MGMT: variants seen among roughly 807,000 people sequenced by gnomAD.
The protein encoded by MGMT is O-6-methylguanine-DNA methyltransferase.
Under a neutral mutation model 15.9 loss-of-function variants are expected in MGMT, and 14 were observed. The ratio of observed to expected loss-of-function variants is 0.88; its 90% CI spans 0.58 to 1.37. The LOEUF (loss-of-function observed/expected upper bound fraction) is 1.37, where lower values mean the gene tolerates loss of function less well. Among genes scored for constraint, MGMT ranks in the 40% most tolerant of loss-of-function variants. The pLI, the probability that MGMT is intolerant of heterozygous loss-of-function variation, is 0.00. For synonymous variants in MGMT, 130 were observed against 118.2 expected, an observed-to-expected ratio of 1.10 and a Z score of -0.65; for missense variants, 282 against 268.1, an observed-to-expected ratio of 1.05 and a Z score of -0.36.
chr10:129,685,446 C>T (rs930054571), intron 2 of MGMT, among the ~76,000 whole-genome samples: 4 of 152,160 alleles, frequency 2.6e-5, no homozygotes, highest in African/African-American at 4.8e-5. Context: ...TTAACGTCTC[C>T]GCTGAGCCTG....
chr10:129,561,137 T>C (rs1846273337), intron 2 of MGMT, among the ~76,000 whole-genome samples: 1 of 152,170 alleles, frequency 6.6e-6, no homozygotes, highest in Non-Finnish European at 1.5e-5. Context: ...ATTTTAAAGA[T>C]TCAGGAATGT....
At chr10:129,665,072 A>T (rs1847641575) in intron 2 of MGMT, among the ~76,000 whole-genome samples, 1 of 146,332 alleles carries the variant, frequency 6.8e-6, no homozygotes, top group African/African-American at 2.5e-5. Flanking sequence ...TGGCACAGAA[A>T]TCTGACTTAA....
At chr10:129,499,309 T>C (rs550855110) in intron 1 of MGMT, among the ~76,000 whole-genome samples, 1 of 152,368 alleles carries the variant, frequency 6.6e-6, no homozygotes, top group East Asian at 1.9e-4. Context: ...GAAAATGAAA[T>C]CCTTTTGTTT....
intron 2 of MGMT, among the ~76,000 whole-genome samples, chr10:129,631,363 A>T (rs1006998824): frequency 6.6e-6 from 1 of 152,210 alleles, no homozygotes; most frequent in Non-Finnish European, 1.5e-5. Context: ...TGTTCAAATG[A>T]TGAGACAGAA....
intron 2 of MGMT, among the ~76,000 whole-genome samples, chr10:129,569,617 A>G (rs1267265488): frequency 1.3e-5 from 2 of 152,098 alleles, no homozygotes; most frequent in Non-Finnish European, 2.9e-5. Flanking sequence ...CCCAGTCATG[A>G]GGGGACCATG....
intron 3 of MGMT, 123 bp downstream of exon 3, chr10:129,708,166 C>A: frequency 1.5e-6 from 2 of 1,343,302 alleles, no homozygotes; most frequent in Non-Finnish European, 1.0e-6. Flanking sequence ...TAAACAGAGG[C>A]AGCGTTTGGC....
At chr10:129,725,107 C>T (rs1033734786) in intron 3 of MGMT, among the ~76,000 whole-genome samples, 2 of 142,938 alleles carry the variant, frequency 1.4e-5, no homozygotes, top group African/African-American at 4.9e-5. Context: ...ACACTGTTGC[C>T]TTACTCTTCT....
intron 2 of MGMT, among the ~76,000 whole-genome samples, chr10:129,686,904 G>A (rs1314516016): frequency 6.6e-6 from 1 of 152,092 alleles, no homozygotes; most frequent in Non-Finnish European, 1.5e-5. Context: ...GCAGGGCGTG[G>A]GGGTTCTTCT....
intron 3 of MGMT, among the ~76,000 whole-genome samples, chr10:129,726,756 A>G (rs760711597): frequency 4.1e-4 from 63 of 152,192 alleles, no homozygotes; most frequent in Middle Eastern, 3.2e-3. Flanking sequence ...TAATATGGTC[A>G]TGGAGTTTTG....
At chr10:129,517,353 G>A (rs1337844751) in intron 1 of MGMT, among the ~76,000 whole-genome samples, 1 of 152,190 alleles carries the variant, frequency 6.6e-6, no homozygotes, top group Non-Finnish European at 1.5e-5. Flanking sequence ...AGAGCACATC[G>A]TGAATCTTTC....
chr10:129,756,460 GT>G (rs534905920), intron 3 of MGMT, among the ~76,000 whole-genome samples: 1 of 151,846 alleles, frequency 6.6e-6, no homozygotes, highest in Non-Finnish European at 1.5e-5. Context: ...GGCTGCTGGG[GT>G]TTTTTTTGTT....
intron 2 of MGMT, among the ~76,000 whole-genome samples, chr10:129,628,527 C>G (rs1847175772): frequency 1.3e-5 from 2 of 152,182 alleles, no homozygotes; most frequent in Non-Finnish European, 2.9e-5. Context: ...GTGGTGCTTT[C>G]TGTGCATCTC....
intron 2 of MGMT, among the ~76,000 whole-genome samples, chr10:129,660,695 G>A (rs1045767637): frequency 1.5e-4 from 23 of 152,000 alleles, no homozygotes; most frequent in African/African-American, 4.4e-4. Context: ...CTTAGGTTGC[G>A]GGGGGCCAAC....
chr10:129,521,664 C>T (rs1845812188), intron 1 of MGMT, among the ~76,000 whole-genome samples: 1 of 152,186 alleles, frequency 6.6e-6, no homozygotes, highest in South Asian at 2.1e-4. Flanking sequence ...GTGACCAGAG[C>T]TGCTGGAGGG....
intron 1 of MGMT, among the ~76,000 whole-genome samples, chr10:129,531,040 G>A (rs1276686418): frequency 1.3e-5 from 2 of 152,224 alleles, no homozygotes; most frequent in Non-Finnish European, 2.9e-5. Context: ...AGGCTGGGGT[G>A]CTGTCAGGGT....
At chr10:129,751,019 G>A (rs909999841) in intron 3 of MGMT, among the ~76,000 whole-genome samples, 1 of 151,916 alleles carries the variant, frequency 6.6e-6, no homozygotes, top group African/African-American at 2.4e-5. Context: ...TACTCTTTTG[G>A]TTTCTGACTT....
chr10:129,615,860 C>T lies in MGMT; in HGVS notation c.125+79483C>T, dbSNP rs117807318. Reference sequence around the variant, plus strand: ...AGGGTCCAGGTATAAGAAGAGCTGCCCACGGCAGGGGGTGTGGCAGTGGGA... The same window carrying T: ...AGGGTCCAGGTATAAGAAGAGCTGCTCACGGCAGGGGGTGTGGCAGTGGGA... On this transcript the variant is annotated intron_variant, in intron 2 of 4. Transcript: ENST00000651593. Among the ~76,000 whole-genome samples, 91 of 152,194 alleles carry T rather than the reference C, an allele frequency of 6.0e-4. 1 individual carries two copies. The East Asian group carries it at 0.016, about 27-fold the overall frequency.
At chr10:129,647,623 C>A (rs1225823959) in intron 2 of MGMT, among the ~76,000 whole-genome samples, 1 of 152,108 alleles carries the variant, frequency 6.6e-6, no homozygotes, top group East Asian at 1.9e-4. Flanking sequence ...CTATTTTGAA[C>A]AATAATCTTT....
In MGMT at chr10:129,766,868, G is replaced by A. The variant is rs1327100294; in HGVS notation, c.495G>A (p.Lys165=). Residue 165 remains lysine (K), a synonymous_variant, in exon 5 of 5, where the codon AAG becomes AAA. Coordinates refer to ENST00000651593, the MANE Select transcript of MGMT (RefSeq NM_002412.5). ...ACTACTCCGGAGGACTGGCCGTGAA[G>A]GAATGGCTTCTGGCCCATGAAGGCC... ...VGNYSGGLAV[K]EWLLAHEGHR... is the part of the protein sequence containing the mutation. The A allele has an allele frequency of 1.2e-6, 2 of 1,613,766 alleles. No individual in the cohort carries two copies. Among genetic ancestry groups the A allele is most frequent in the South Asian group, 1.1e-5 (1 of 91,080 alleles).
Sources: allele counts gnomAD v4.1 joint callset (sites outside exome capture counted in the v4.1 genomes callset), GRCh38; gene constraint gnomAD v4.1.1; transcripts MANE v1.5; gene names NCBI Gene and HGNC (gene_info 2026-07-23, HGNC 2026-07-21).